Variants in CAMTA1 observed in about 807,000 individuals in gnomAD.
The protein encoded by CAMTA1 is calmodulin binding transcription activator 1.
Under a neutral mutation model 170.9 loss-of-function variants are expected in CAMTA1, and 27 were observed. The observed-to-expected ratio is 0.16, with a 90% confidence interval of 0.12 to 0.22. The LOEUF (loss-of-function observed/expected upper bound fraction) is 0.22, where lower values mean the gene tolerates loss of function less well. CAMTA1 is among the 10% of genes least tolerant of loss of function. The probability of loss-of-function intolerance (pLI) is 1.00; values close to 1 mark genes in which losing one functional copy is unlikely to be tolerated. For missense variants in CAMTA1, 1,619 were observed against 2,217.2 expected, an observed-to-expected ratio of 0.73 and a Z score of 5.42; for synonymous variants, 833 against 891.5, an observed-to-expected ratio of 0.93 and a Z score of 1.17.
chr1:7,197,678 A>ACACACACACAC (rs57819326), intron 4 of CAMTA1, among the ~76,000 whole-genome samples: 8 of 139,138 alleles, frequency 5.7e-5, no homozygotes, highest in Non-Finnish European at 7.8e-5. Context: ...ACACACACAC[A>ACACACACACAC]ATCTACTTGC....
chr1:7,743,679 T>C (rs1276483758), intron 16 of CAMTA1, among the ~76,000 whole-genome samples: 1 of 152,130 alleles, frequency 6.6e-6, no homozygotes, highest in Non-Finnish European at 1.5e-5. Context: ...CGAGAACATT[T>C]TCAGTTCACT....
In CAMTA1 at chr1:7,588,420, G is replaced by C. The variant is rs150062086; in HGVS notation, c.511-51980G>C. 6.6e-6 allele frequency among the ~76,000 whole-genome samples: 1 copy of C among 152,160 alleles called. No individual in the cohort carries two copies. Among genetic ancestry groups the C allele is most frequent in the Admixed American group, 6.5e-5 (1 of 15,286 alleles). On this transcript the variant is annotated intron_variant, in intron 6 of 22. Transcript: ENST00000303635. This position sits in a 1 kb window ranked among gnomAD's most constrained non-coding sequence, Gnocchi z 5.8. ...AGGGGCTCAGGAGGCCCTGGGCTTCGTAATCACACTACACTAACGCCTCTG... is the reference window on the plus strand; with the variant it reads ...AGGGGCTCAGGAGGCCCTGGGCTTCCTAATCACACTACACTAACGCCTCTG...
intron 4 of CAMTA1, among the ~76,000 whole-genome samples, chr1:7,152,727 T>A (rs1289166400): frequency 6.6e-6 from 1 of 152,138 alleles, no homozygotes; most frequent in Non-Finnish European, 1.5e-5. Context: ...TCTTTCCCCC[T>A]GGAAGAGAGG....
At chr1:6,811,475 G>A (rs1645157350) in intron 1 of CAMTA1, among the ~76,000 whole-genome samples, 1 of 152,038 alleles carries the variant, frequency 6.6e-6, no homozygotes, top group Admixed American at 6.5e-5. Context: ...AAATCCTTGT[G>A]TCCCATTTTT....
In CAMTA1 at chr1:7,196,887, G is replaced by T. The variant is rs190901906; in HGVS notation, c.303-52604G>T. On this transcript the variant is annotated intron_variant, in intron 4 of 22. Coordinates refer to ENST00000303635, the MANE Select transcript of CAMTA1 (RefSeq NM_015215.4). Reference sequence around the variant, plus strand: ...TTTTAATATTCCAGTTTCAGTCCTCGGTTGTAATGAAAAGGCATTAATTGC... The same window carrying T: ...TTTTAATATTCCAGTTTCAGTCCTCTGTTGTAATGAAAAGGCATTAATTGC... Among the ~76,000 whole-genome samples, 4 of 152,258 alleles carry T rather than the reference G, an allele frequency of 2.6e-5. No homozygotes were observed. In the East Asian group the frequency reaches 7.7e-4, roughly 29 times the overall value.
intron 3 of CAMTA1, among the ~76,000 whole-genome samples, chr1:6,828,231 T>G (rs527591462): frequency 1.3e-5 from 2 of 151,694 alleles, no homozygotes; most frequent in Non-Finnish European, 2.9e-5. Context: ...TTGTGATTGT[T>G]TGAAAAAACC....
chr1:6,809,031 T>A (rs1305589940), intron 1 of CAMTA1, among the ~76,000 whole-genome samples: 1 of 145,446 alleles, frequency 6.9e-6, no homozygotes, highest in Non-Finnish European at 1.5e-5. Flanking sequence ...TTCTTTTTCT[T>A]TTTTTTTTTT....
At chr1:6,832,121 T>A (rs1035525380) in intron 3 of CAMTA1, among the ~76,000 whole-genome samples, 2 of 151,952 alleles carry the variant, frequency 1.3e-5, no homozygotes, top group African/African-American at 4.8e-5. Flanking sequence ...TCTCATTCTG[T>A]CACCCAGACT....
rs192395200 is a variant in CAMTA1 at position 7,474,809 on chromosome 1, T to A, written c.510+6908T>A. On this transcript the variant is annotated intron_variant, in intron 6 of 22. Coordinates refer to ENST00000303635, the MANE Select transcript of CAMTA1 (RefSeq NM_015215.4). Reference sequence around the variant, plus strand: ...CCACCCAAGAGACTTGATGTCTATTTGGAGAATGAGCAGCTCTTTGGCAAC... The same window carrying A: ...CCACCCAAGAGACTTGATGTCTATTAGGAGAATGAGCAGCTCTTTGGCAAC... Among the ~76,000 whole-genome samples, 603 of 152,354 alleles carry A rather than the reference T, an allele frequency of 4.0e-3. 3 individuals carry two copies. The highest frequency in any genetic ancestry group is 4.6e-3 in the Non-Finnish European group (315 of 68,032).
At chr1:7,523,467 C>A (rs2094391758) in intron 6 of CAMTA1, among the ~76,000 whole-genome samples, 1 of 152,114 alleles carries the variant, frequency 6.6e-6, no homozygotes, top group Non-Finnish European at 1.5e-5. Context: ...TTGGGTCTTC[C>A]AATCCATGAA....
chr1:7,563,280 C>A (rs1429876020), intron 6 of CAMTA1, among the ~76,000 whole-genome samples: 1 of 152,196 alleles, frequency 6.6e-6, no homozygotes, highest in African/African-American at 2.4e-5. Context: ...TAGAAGCGAA[C>A]CTGCTTTTGG....
At position 7,690,790 on chromosome 1, in the gene CAMTA1, G is replaced by A. The variant is rs564231626; in HGVS notation, c.2914+13057G>A. ...GCTCAGACAACAGTGAGTGGGTGGC[G>A]CAGAGAGTCACACACAGCAGTGCGA... On this transcript the variant is annotated intron_variant, in intron 11 of 22. Coordinates refer to ENST00000303635, the MANE Select transcript of CAMTA1 (RefSeq NM_015215.4). 9.2e-5 allele frequency among the ~76,000 whole-genome samples: 14 copies of A among 152,322 alleles called. No homozygotes were observed. In the East Asian group the frequency reaches 1.2e-3, roughly 13 times the overall value.
At chr1:7,043,038 TG>T (rs1352841937) in intron 3 of CAMTA1, among the ~76,000 whole-genome samples, 1 of 152,192 alleles carries the variant, frequency 6.6e-6, no homozygotes, top group African/African-American at 2.4e-5. Flanking sequence ...CAGTGTGCTC[TG>T]GGGCATGGAC....
intron 4 of CAMTA1, among the ~76,000 whole-genome samples, chr1:7,245,069 G>C (rs1173777557): frequency 6.6e-6 from 1 of 151,632 alleles, no homozygotes; most frequent in Non-Finnish European, 1.5e-5. Context: ...GGAATTTCTT[G>C]TTAAATGTAT....
intron 3 of CAMTA1, among the ~76,000 whole-genome samples, chr1:6,862,744 T>C (rs1665214720): frequency 6.6e-6 from 1 of 152,182 alleles, no homozygotes; most frequent in East Asian, 1.9e-4. Context: ...GACCCTCCTC[T>C]CGCATCATTT....
chr1:7,120,008 C>T lies in CAMTA1; in HGVS notation c.302+28637C>T, dbSNP rs188221428. Among the ~76,000 whole-genome samples, 24 of 152,218 alleles carry T rather than the reference C, an allele frequency of 1.6e-4. No homozygotes were observed. The East Asian group carries it at 3.7e-3, about 23-fold the overall frequency. ...TCACATTTAATCCTTACAACCACCC[C>T]GAGATAGGTATAATTATTATCACCA... On this transcript the variant is annotated intron_variant, in intron 4 of 22. Transcript: ENST00000303635.
chr1:7,466,305 G>A (rs1340264731), intron 5 of CAMTA1, among the ~76,000 whole-genome samples: 2 of 152,198 alleles, frequency 1.3e-5, no homozygotes, highest in Non-Finnish European at 2.9e-5. Flanking sequence ...AGAATTGCAA[G>A]GGAATTGTTT....
chr1:7,590,831 C>T (rs776105943), intron 6 of CAMTA1, among the ~76,000 whole-genome samples: 1 of 152,350 alleles, frequency 6.6e-6, no homozygotes, highest in Non-Finnish European at 1.5e-5. Context: ...CCAGAGCTGA[C>T]GGCAGGGCTT....
At chr1:6,824,236 G>T (rs1018021344) in intron 2 of CAMTA1, among the ~76,000 whole-genome samples, 1 of 152,132 alleles carries the variant, frequency 6.6e-6, no homozygotes. Context: ...TGACCTAAAT[G>T]TGCCAAAGCT....
Sources: gnomAD v4.1 joint callset for allele counts (sites outside exome capture counted in the v4.1 genomes callset) on GRCh38, gnomAD v4.1.1 for gene constraint, Gnocchi (gnomAD v3.1) non-coding constraint, MANE v1.5 for transcripts, NCBI Gene and HGNC (gene_info 2026-07-23, HGNC 2026-07-21) for gene names.